The following MDN1 variants were observed in gnomAD, a reference collection of about 807,000 sequenced individuals.
MDN1 encodes the protein midasin AAA ATPase 1.
In MDN1, 266 loss-of-function variants were observed where a neutral mutation model predicts 669.2. The observed-to-expected ratio is 0.40, with a 90% CI of 0.36 to 0.44. MDN1 has a LOEUF of 0.44. MDN1 is among the 20% of genes least tolerant of loss of function. MDN1 has a pLI of 1.00. For missense variants in MDN1, 5,940 were observed against 6,754.0 expected (o/e 0.88, Z 4.22); for synonymous variants, 2,385 against 2,457.1 (o/e 0.97, Z 0.87).
At position 89,685,923 on chromosome 6, in the gene MDN1, T is replaced by C. The variant is rs1811971512; in HGVS notation, c.11623A>G (p.Ile3875Val). 1 of 1,614,192 alleles carries C rather than the reference T, an allele frequency of 6.2e-7. No homozygotes were observed. Among genetic ancestry groups the C allele is most frequent in the Non-Finnish European group, 8.5e-7 (1 of 1,180,032 alleles). The change falls in exon 70 of 102, where the codon ATT becomes GTT. Residue 3875 changes from isoleucine (I) to valine (V), a missense_variant. By Grantham distance (29) the Ile-to-Val change is conservative. Coordinates refer to ENST00000369393, the MANE Select transcript of MDN1 (RefSeq NM_014611.3). ...MLLVSTLQAF[I>V]EGSSLGEFHV... is the part of the protein sequence containing the mutation. Reference sequence around the variant, plus strand: ...AACTCTCCCAGCGAGGATCCTTCAATAAATGCTTGTAATGTGCTGACCAGC... The same window carrying C: ...AACTCTCCCAGCGAGGATCCTTCAACAAATGCTTGTAATGTGCTGACCAGC...
chr6:89,695,281 TAG>T lies in MDN1; in HGVS notation c.9771+322_9771+323del, dbSNP rs922529272. Among the ~76,000 whole-genome samples, 8 of 151,996 alleles carry T rather than the reference TAG, an allele frequency of 5.3e-5. No individual in the cohort carries two copies. Among genetic ancestry groups the T allele is most frequent in the African/African-American group, 1.7e-4 (7 of 41,378 alleles). ...CCAAATATCCAAAACTAAGCTCAGG[TAG>T]AGAGAGTCCAGAGACAGTGAGAGGT... On this transcript the variant is annotated intron_variant, in intron 61 of 101. Transcript: ENST00000369393. This position sits in a 1 kb window ranked among gnomAD's most constrained non-coding sequence, Gnocchi z 4.1.
At chr6:89,733,460 A>T (rs1297074322) in intron 33 of MDN1, among the ~76,000 whole-genome samples, 1 of 152,060 alleles carries the variant, frequency 6.6e-6, no homozygotes, top group African/African-American at 2.4e-5. Flanking sequence ...AACAGTAGAC[A>T]TTTATCTCTA....
chr6:89,751,475 A>G lies in MDN1; in HGVS notation c.3183T>C (p.Ser1061=). 2.5e-6 allele frequency: 4 copies of G among 1,614,202 alleles called. No individual in the cohort carries two copies. Among genetic ancestry groups the G allele is most frequent in the East Asian group, 2.2e-5 (1 of 44,878 alleles). Residue 1061 remains serine (S), a synonymous_variant, in exon 23 of 102, where the codon TCT becomes TCC. Transcript: ENST00000369393. ...CTATATCTCTCAGGTTCAGCTTCAC[A>G]GAAGATGTCAGAATGTACGTCTCAT... ...TIDETYILTS[S]VKLNLRDIVR... is the part of the protein sequence containing the mutation.
Position 89,655,812 on chromosome 6 carries a change from A to G in MDN1, c.15442T>C (p.Phe5148Leu), listed in dbSNP as rs919752472. ...PQAQVEDADA[F>L]EHIKQGSDAY... ...TCACTGCCTTGTTTAATGTGCTCGA[A>G]TGCATCTGCATCCTCCACCTGGGCC... Residue 5148 changes from phenylalanine (F) to leucine (L), a missense_variant, in exon 92 of 102, where the codon TTC becomes CTC. Physicochemically the swap from Phe to Leu is conservative, Grantham distance 22. This residue lies in a region of MDN1 where 2,280 missense variants were observed against 2,576.3 expected (regional missense o/e 0.88). Coordinates refer to ENST00000369393, the MANE Select transcript of MDN1 (RefSeq NM_014611.3). 1.2e-6 allele frequency: 2 copies of G among 1,613,750 alleles called. No individual in the cohort carries two copies.
At chr6:89,688,308 C>T in intron 66 of MDN1, 135 bp from the exon 67 acceptor site, 2 of 822,626 alleles carry the variant, frequency 2.4e-6, no homozygotes, top group Non-Finnish European at 3.9e-6. Context: ...AAAAACAGAG[C>T]AACATGGCAG....
intron 48 of MDN1, 73 bp from the exon 49 acceptor site, chr6:89,712,329 A>G: frequency 7.4e-7 from 1 of 1,345,888 alleles, no homozygotes; most frequent in Non-Finnish European, 1.0e-6. Flanking sequence ...AACTGAGAAA[A>G]CCTCTTTCAC....
intron 21 of MDN1, 105 bp from the exon 22 acceptor site, chr6:89,753,727 A>C: frequency 2.2e-6 from 2 of 902,684 alleles, no homozygotes; most frequent in Non-Finnish European, 3.6e-6. Context: ...CTGCTTCCCA[A>C]CTTTTAAATA....
At chr6:89,745,182 G>GA in intron 29 of MDN1, 91 bp downstream of exon 29, 6 of 1,364,982 alleles carry the variant, frequency 4.4e-6, no homozygotes, top group Non-Finnish European at 5.8e-6. Flanking sequence ...AAGAAGGGGG[G>GA]ATTAATACTT....
At chr6:89,674,693 T>C in intron 78 of MDN1, 104 bp from the exon 79 acceptor site, 1 of 1,433,988 alleles carries the variant, frequency 7.0e-7, no homozygotes, top group Non-Finnish European at 9.2e-7. Flanking sequence ...CATGGGCTTT[T>C]TCATACAGTC....
Position 89,692,594 on chromosome 6 carries a change from G to A in MDN1, c.10436C>T (p.Ser3479Leu). 1 of 1,614,238 alleles carries A rather than the reference G, an allele frequency of 6.2e-7. No individual in the cohort carries two copies. ...RGLGKLILKR[S>L]GGKELEGKGQ... The stretch of plus-strand genomic sequence containing the variant: ...CTTGCCTTCCAGCTCCTTTCCTCCT[G>A]AGCGCTTGAGGATTAGCTTCCCAAG... Residue 3479 changes from serine (S) to leucine (L), a missense_variant, in exon 63 of 102, where the codon TCA (serine) becomes TTA (leucine). Coordinates refer to ENST00000369393, the MANE Select transcript of MDN1 (RefSeq NM_014611.3).
In MDN1 at chr6:89,655,866, C is replaced by T; in HGVS notation, c.15388G>A (p.Ala5130Thr). The change falls in exon 92 of 102, where the codon GCC becomes ACC. Residue 5130 changes from alanine (A) to threonine (T), a missense_variant. Ala to Thr is a moderately conservative substitution (Grantham distance 58). Coordinates refer to ENST00000369393, the MANE Select transcript of MDN1 (RefSeq NM_014611.3). Reference protein sequence around the residue: ...RLRTVDTDSHAEQGPAQQPQA... With the variant: ...RLRTVDTDSHTEQGPAQQPQA... ...GGCTGCTGAGCTGGCCCCTGCTCGG[C>T]ATGGCTGTCCGTATCCACAGTCCTC... 6.2e-7 allele frequency: 1 copy of T among 1,614,130 alleles called. No individual in the cohort carries two copies. Among genetic ancestry groups the T allele is most frequent in the South Asian group, 1.1e-5 (1 of 91,070 alleles).
At chr6:89,816,594 T>C (rs1768852028) in intron 1 of MDN1, among the ~76,000 whole-genome samples, 2 of 151,882 alleles carry the variant, frequency 1.3e-5, no homozygotes, top group South Asian at 4.2e-4. Context: ...AAAAGAAACA[T>C]TTGCAATCTG....
chr6:89,725,373 T>C lies in MDN1; in HGVS notation c.5496A>G (p.Val1832=). The C allele has an allele frequency of 6.2e-7, 1 of 1,613,800 alleles. No individual in the cohort carries two copies. Among genetic ancestry groups the C allele is most frequent in the South Asian group, 1.1e-5 (1 of 91,056 alleles). ...CAAAACAAGCATTGAGTCCTTCCAA[T>C]ACAGACTGAGAAGCCAGGTTAAGCT... ...LDELNLASQS[V]LEGLNACFDH... is the part of the protein sequence containing the mutation. Residue 1832 remains valine, a synonymous_variant, in exon 38 of 102, where the codon GTA becomes GTG. Coordinates refer to ENST00000369393, the MANE Select transcript of MDN1 (RefSeq NM_014611.3).
intron 11 of MDN1, among the ~76,000 whole-genome samples, chr6:89,777,837 C>A (rs1427554978): frequency 6.6e-6 from 1 of 152,070 alleles, no homozygotes; most frequent in Non-Finnish European, 1.5e-5. Context: ...TCAGCAGGCA[C>A]CCATTCCCTA....
At chr6:89,765,732 A>G (rs113323255) in intron 15 of MDN1, among the ~76,000 whole-genome samples, 10 of 152,296 alleles carry the variant, frequency 6.6e-5, no homozygotes, top group African/African-American at 2.4e-4. Flanking sequence ...TGGATCTGCC[A>G]TTTTCTTGAA....
Position 89,692,851 on chromosome 6 carries a change from A to G in MDN1, c.10179T>C (p.Tyr3393=), listed in dbSNP as rs780272115. ...CCTGCAGTGGGCTCACGGCATCTGG[A>G]TAGAAGGTGTACTCCTCTGACAGCC... is the stretch of plus-strand genomic sequence containing the variant. ...RKRLSEEYTF[Y]PDAVSPLQAS... Residue 3393 remains tyrosine (Y), a synonymous_variant, in exon 63 of 102, where the codon TAT becomes TAC. Coordinates refer to ENST00000369393, the MANE Select transcript of MDN1 (RefSeq NM_014611.3). The G allele has an allele frequency of 2.5e-6, 4 of 1,614,052 alleles. No individual in the cohort carries two copies. Among genetic ancestry groups the G allele is most frequent in the Admixed American group, 1.7e-5 (1 of 60,008 alleles).
intron 15 of MDN1, among the ~76,000 whole-genome samples, chr6:89,770,330 G>C (rs986792349): frequency 2.0e-5 from 3 of 151,560 alleles, no homozygotes; most frequent in African/African-American, 7.3e-5. Flanking sequence ...CCTGAACGTG[G>C]GAGCCGGAGG....
chr6:89,662,017 T>C, intron 87 of MDN1, 70 bp downstream of exon 87: 1 of 1,529,570 alleles, frequency 6.5e-7, no homozygotes, highest in Non-Finnish European at 8.8e-7. Flanking sequence ...TTGAGACACC[T>C]TGAGAACTAT....
At chr6:89,740,421 C>G (rs1816227810) in intron 31 of MDN1, 43 bp from the exon 32 acceptor site, 1 of 1,512,958 alleles carries the variant, frequency 6.6e-7, no homozygotes, top group Non-Finnish European at 8.8e-7. Flanking sequence ...CTTATACAAT[C>G]TTTCTGTTTT....
Sources: gnomAD v4.1 joint callset for allele counts (sites outside exome capture counted in the v4.1 genomes callset) on GRCh38, gnomAD v4.1.1 for gene constraint, gnomAD v4.1.1 regional missense constraint, Gnocchi (gnomAD v3.1) non-coding constraint, MANE v1.5 for transcripts, NCBI Gene and HGNC (gene_info 2026-07-23, HGNC 2026-07-21) for gene names.